Variants in SLC9B1 observed in about 807,000 individuals in gnomAD.
SLC9B1 encodes the protein sodium/hydrogen exchanger 9B1.
A neutral mutation model predicts 51.7 loss-of-function variants in SLC9B1; 32 were observed. The observed-to-expected ratio is 0.62, with a 90% CI of 0.47 to 0.83. The LOEUF (loss-of-function observed/expected upper bound fraction) is 0.83, where lower values mean the gene tolerates loss of function less well. Ranked by LOEUF, SLC9B1 falls within the 40% of genes least tolerant of loss-of-function variation. The pLI is 0.00. For synonymous variants in SLC9B1, 145 were observed against 212.7 expected (o/e 0.68, Z 2.77); for missense variants, 406 against 613.2 (o/e 0.66, Z 3.57).
chr4:102,989,720 T>C, intron 3 of SLC9B1, 80 bp downstream of exon 3: 2 of 939,410 alleles, frequency 2.1e-6, no homozygotes, highest in South Asian at 1.8e-5. Flanking sequence ...GATTAAGTAG[T>C]GTCTTTGTTG....
chr4:102,916,022 G>T lies in SLC9B1; in HGVS notation c.830-4485C>A, dbSNP rs556967539. Among the ~76,000 whole-genome samples, 4 of 152,106 alleles carry T rather than the reference G, an allele frequency of 2.6e-5. No individual in the cohort carries two copies. In the East Asian group the frequency reaches 7.7e-4, roughly 29 times the overall value. On this transcript the variant is annotated intron_variant, in intron 7 of 11. Coordinates refer to ENST00000296422, the MANE Select transcript of SLC9B1 (RefSeq NM_139173.4). The stretch of plus-strand genomic sequence containing the variant: ...AACATAAAGGGAGGCAGGAAGAGAG[G>T]AAAAGTGGAAAAAAATAGCTGCAAG...
intron 3 of SLC9B1, among the ~76,000 whole-genome samples, chr4:102,968,117 C>A (rs111667868): frequency 0.011 from 1,693 of 152,206 alleles, 22 homozygotes; most frequent in African/African-American, 0.037. Context: ...TGTAAAGCAG[C>A]AGTAGTCAAG....
chr4:103,003,592 A>G (rs930192239), intron 1 of SLC9B1, among the ~76,000 whole-genome samples: 2 of 152,090 alleles, frequency 1.3e-5, no homozygotes, highest in African/African-American at 4.8e-5. Flanking sequence ...CAGCTGACAC[A>G]CATGCACCCT....
chr4:102,933,827 GAATATAAT>G (rs1395930180), intron 6 of SLC9B1, among the ~76,000 whole-genome samples: 16 of 152,154 alleles, frequency 1.1e-4, no homozygotes, highest in African/African-American at 3.9e-4. Flanking sequence ...TAAAAATTGT[GAATATAAT>G]AATATAATAA....
chr4:102,895,517 C>T (rs1734493161), intron 11 of SLC9B1, among the ~76,000 whole-genome samples: 1 of 151,960 alleles, frequency 6.6e-6, no homozygotes, highest in African/African-American at 2.4e-5. Context: ...CATTAAGAAA[C>T]AGAGTAGTGA....
chr4:102,886,726 C>T (rs1733941632), intron 11 of SLC9B1, among the ~76,000 whole-genome samples: 1 of 150,990 alleles, frequency 6.6e-6, no homozygotes, highest in African/African-American at 2.4e-5. Context: ...AGGAATTCTC[C>T]CACCTCAGCC....
intron 1 of SLC9B1, among the ~76,000 whole-genome samples, chr4:103,000,471 A>G (rs1435726048): frequency 9.2e-5 from 14 of 152,250 alleles, no homozygotes; most frequent in Non-Finnish European, 2.9e-5. Flanking sequence ...CCTTCCACCT[A>G]TGATTCTGTA....
intron 1 of SLC9B1, among the ~76,000 whole-genome samples, chr4:102,998,052 A>G (rs1482931841): frequency 6.6e-6 from 1 of 152,164 alleles, no homozygotes; most frequent in Non-Finnish European, 1.5e-5. Flanking sequence ...TAAAGTATAT[A>G]GTTCCAGGGG....
intron 6 of SLC9B1, chr4:102,941,428 C>T (rs893707784): frequency 1.8e-5 from 8 of 452,814 alleles, no homozygotes; most frequent in Admixed American, 1.7e-4. Context: ...AAATGCAAAA[C>T]AAAACTGCAG....
In SLC9B1 at chr4:102,980,910, T is replaced by C. The variant is rs572782288; in HGVS notation, c.211+8890A>G. Among the ~76,000 whole-genome samples, 6 of 152,274 alleles carry C rather than the reference T, an allele frequency of 3.9e-5. No individual in the cohort carries two copies. In the Middle Eastern group the frequency reaches 0.02, roughly 518 times the overall value. On this transcript the variant is annotated intron_variant, in intron 3 of 11. Transcript: ENST00000296422. Reference sequence around the variant, plus strand: ...TCTTGGGTTTGTATGTTCTATGGCTTTTAACAAATGTATAATGACATATTT... The same window carrying C: ...TCTTGGGTTTGTATGTTCTATGGCTCTTAACAAATGTATAATGACATATTT...
chr4:103,001,011 T>C (rs1740497233), intron 1 of SLC9B1, among the ~76,000 whole-genome samples: 1 of 152,222 alleles, frequency 6.6e-6, no homozygotes, highest in Admixed American at 6.5e-5. Context: ...GTCATTTCCA[T>C]ACATCTTCTG....
At chr4:102,971,966 A>G (rs547912197) in intron 3 of SLC9B1, among the ~76,000 whole-genome samples, 51 of 152,202 alleles carry the variant, frequency 3.4e-4, no homozygotes, top group Non-Finnish European at 6.3e-4. Context: ...GAATAGACCC[A>G]TTAACAGGCT....
intron 7 of SLC9B1, among the ~76,000 whole-genome samples, chr4:102,914,602 G>A (rs1197692251): frequency 6.6e-6 from 1 of 152,142 alleles, no homozygotes; most frequent in Non-Finnish European, 1.5e-5. Flanking sequence ...AATTTCTTCA[G>A]TTGTAATTTT....
At chr4:102,969,243 G>C (rs759250659) in intron 3 of SLC9B1, among the ~76,000 whole-genome samples, 16 of 152,124 alleles carry the variant, frequency 1.1e-4, no homozygotes, top group Non-Finnish European at 2.4e-4. Flanking sequence ...GGGACTGACT[G>C]ACACCTCATA....
At chr4:103,018,004 T>G (rs1191666120) in intron 1 of SLC9B1, among the ~76,000 whole-genome samples, 1 of 152,206 alleles carries the variant, frequency 6.6e-6, no homozygotes, top group Non-Finnish European at 1.5e-5. Flanking sequence ...GTGGCTAAGG[T>G]ATGGCTTCTT....
intron 7 of SLC9B1, among the ~76,000 whole-genome samples, chr4:102,929,227 A>G (rs3974599): frequency 0.54 from 82,588 of 151,992 alleles, 22,959 homozygotes; most frequent in African/African-American, 0.68. Context: ...GCTCCTTGAG[A>G]ACATGCACCA....
intron 9 of SLC9B1, among the ~76,000 whole-genome samples, chr4:102,910,233 T>G (rs1209308881): frequency 2.6e-5 from 4 of 152,188 alleles, no homozygotes; most frequent in Admixed American, 6.5e-5. Context: ...AGAAGCCTGA[T>G]GTGATTAACT....
intron 3 of SLC9B1, among the ~76,000 whole-genome samples, chr4:102,968,662 A>G (rs564446079): frequency 1.3e-5 from 2 of 152,342 alleles, no homozygotes; most frequent in South Asian, 2.1e-4. Context: ...TACCTGGTTC[A>G]TCTCACTGGG....
intron 7 of SLC9B1, among the ~76,000 whole-genome samples, chr4:102,919,692 C>T (rs1245393687): frequency 2.0e-5 from 3 of 152,280 alleles, no homozygotes; most frequent in Middle Eastern, 3.4e-3. Flanking sequence ...AAAAACAGGG[C>T]ACTCCTGCCC....
Sources: allele counts gnomAD v4.1 joint callset (sites outside exome capture counted in the v4.1 genomes callset), GRCh38; gene constraint gnomAD v4.1.1; transcripts MANE v1.5; gene names NCBI Gene and HGNC (gene_info 2026-07-23, HGNC 2026-07-21).